MATR3: variants seen among roughly 807,000 people sequenced by gnomAD.
MATR3 encodes the protein matrin 3, also known as matrin-3.
A neutral mutation model predicts 85.5 loss-of-function variants in MATR3; 4 were observed. The observed-to-expected ratio is 0.05, with a 90% CI of 0.02 to 0.11. The LOEUF is 0.11. MATR3 is among the 10% of genes least tolerant of loss of function. The pLI is 1.00. For missense variants in MATR3, 685 were observed against 1,016.1 expected, an observed-to-expected ratio of 0.67 and a Z score of 4.43; for synonymous variants, 336 against 343.1, an observed-to-expected ratio of 0.98 and a Z score of 0.23.
At chr5:139,277,064 G>A (rs943274249) in intron 2 of MATR3, among the ~76,000 whole-genome samples, 11 of 152,054 alleles carry the variant, frequency 7.2e-5, no homozygotes, top group African/African-American at 2.7e-4. Context: ...AGTTCCCTTT[G>A]TAGTAATTTT....
Position 139,331,497 on chromosome 5 carries a change from TAAG to T in MATR3, c.*2103_*2105del, listed in dbSNP as rs762544041. On this transcript the variant is annotated 3_prime_UTR_variant, in exon 15 of 15. Coordinates refer to ENST00000394805, the MANE Select transcript of MATR3 (RefSeq NM_018834.6). ...AGCATTTAGAAATCAGAAATTATAATAAGCTGTTAGTGATAAATCTGTAACAGC... is the reference window on the plus strand; with the variant it reads ...AGCATTTAGAAATCAGAAATTATAATCTGTTAGTGATAAATCTGTAACAGC... 15 of 454,010 alleles carry T rather than the reference TAAG, an allele frequency of 3.3e-5. No individual in the cohort carries two copies. Among genetic ancestry groups the T allele is most frequent in the Non-Finnish European group, 5.7e-5 (13 of 226,800 alleles). The allele number at this position is 454,010 out of a possible 1,614,324, so 28.1% of individuals were successfully genotyped here. A position where few individuals can be genotyped will look rare whatever the true frequency, so the allele number is the denominator to read the frequency against.
intron 14 of MATR3, 25 bp from the exon 15 acceptor site, chr5:139,329,320 T>C: frequency 6.4e-7 from 1 of 1,560,762 alleles, no homozygotes; most frequent in South Asian, 1.1e-5. Context: ...GGTGACTTAA[T>C]GGCTGTAATT....
chr5:139,315,465 A>G, intron 3 of MATR3: 1 of 472,584 alleles, frequency 2.1e-6, no homozygotes, highest in South Asian at 2.9e-5. Flanking sequence ...CTTAATTTCA[A>G]CATTATCTGC....
At chr5:139,284,848 TTATAA>T (rs1442699566) in intron 3 of MATR3, among the ~76,000 whole-genome samples, 1 of 152,212 alleles carries the variant, frequency 6.6e-6, no homozygotes, top group Admixed American at 6.5e-5. Context: ...AAGTGTATAA[TTATAA>T]TATGTTATTA....
intron 2 of MATR3, 24 bp downstream of exon 2, chr5:139,308,351 C>T: frequency 6.2e-7 from 1 of 1,613,576 alleles, no homozygotes; most frequent in Non-Finnish European, 8.5e-7. Context: ...ACAGATGCTT[C>T]TAATTTCTTT....
At position 139,322,591 on chromosome 5, in the gene MATR3, A is replaced by G. The variant is rs754307887; in HGVS notation, c.1779-7A>G. ...AAATTAATTGTGGTGTGTCCTTTTG[A>G]TTTCAGAAAAAGATCTTACTCTCCA... On this transcript the variant is annotated splice_polypyrimidine_tract_variant and splice_region_variant and intron_variant, in intron 11 of 14. Coordinates refer to ENST00000394805, the MANE Select transcript of MATR3 (RefSeq NM_018834.6). 3.8e-6 allele frequency: 6 copies of G among 1,584,110 alleles called. No individual in the cohort carries two copies. The highest frequency in any genetic ancestry group is 1.1e-5 in the South Asian group (1 of 89,552).
upstream of MATR3, among the ~76,000 whole-genome samples, chr5:139,291,305 G>A (rs1012137856): frequency 5.9e-5 from 9 of 152,196 alleles, no homozygotes; most frequent in Middle Eastern, 3.4e-3. Flanking sequence ...TTATTCACTC[G>A]TCTCAAATAC....
chr5:139,329,692 C>T lies in MATR3; in HGVS notation c.*297C>T, dbSNP rs562599302. 5.9e-5 allele frequency: 28 copies of T among 471,950 alleles called. No homozygotes were observed. Among genetic ancestry groups the T allele is most frequent in the Non-Finnish European group, 1.1e-4 (27 of 239,360 alleles). The allele number at this position is 471,950 out of a possible 1,614,324, so 29.2% of individuals were successfully genotyped here. A position where few individuals can be genotyped will look rare whatever the true frequency, so the allele number is the denominator to read the frequency against. On this transcript the variant is annotated 3_prime_UTR_variant, in exon 15 of 15. Coordinates refer to ENST00000394805, the MANE Select transcript of MATR3 (RefSeq NM_018834.6). ...GCACCACTAAGAAAAAAATGTAGAA[C>T]CATTTGGAAAAATGAAATTTAGTAG...
At chr5:139,303,710 T>G (rs547903803) in intron 1 of MATR3, among the ~76,000 whole-genome samples, 1 of 152,244 alleles carries the variant, frequency 6.6e-6, no homozygotes, top group South Asian at 2.1e-4. Flanking sequence ...GTGATGCCAT[T>G]CCACTCCAGC....
At chr5:139,286,961 T>C (rs1753726859) in intron 3 of MATR3, among the ~76,000 whole-genome samples, 1 of 152,224 alleles carries the variant, frequency 6.6e-6, no homozygotes, top group South Asian at 2.1e-4. Flanking sequence ...AGACCTTTTA[T>C]TTTGTTTTAT....
At chr5:139,304,798 G>C (rs935976742) in intron 1 of MATR3, among the ~76,000 whole-genome samples, 8 of 152,172 alleles carry the variant, frequency 5.3e-5, no homozygotes, top group Non-Finnish European at 8.8e-5. Flanking sequence ...AGTAAAAGGA[G>C]CTAATCTTTT....
At chr5:139,314,624 A>G (rs1755154055) in intron 2 of MATR3, 51 bp from the exon 3 acceptor site, 1 of 1,480,944 alleles carries the variant, frequency 6.8e-7, no homozygotes, top group Admixed American at 1.7e-5. Context: ...GGTTCAGATG[A>G]AAATATTTCA....
At chr5:139,296,564 T>A (rs1480480086) in intron 1 of MATR3, among the ~76,000 whole-genome samples, 1 of 152,220 alleles carries the variant, frequency 6.6e-6, no homozygotes, top group Non-Finnish European at 1.5e-5. Context: ...TCTGTATTTT[T>A]AAGCGAAATT....
rs901793744 is a variant in MATR3 at position 139,307,181 on chromosome 5, TA to T, written c.-177-51del. On this transcript the variant is annotated intron_variant, in intron 1 of 14. Transcript: ENST00000394805. This position sits in a 1 kb window ranked among gnomAD's most constrained non-coding sequence, Gnocchi z 4.4. ...ACATGATGCATAAGTTTTTTTTTCT[TA>T]AAAAAACGGCATCTGCTTAAAGGGA... 1.6e-5 allele frequency: 19 copies of T among 1,187,244 alleles called. No individual in the cohort carries two copies. In the East Asian group the frequency reaches 1.9e-4, roughly 12 times the overall value. The allele number at this position is 1,187,244 out of a possible 1,614,324, so 73.5% of individuals were successfully genotyped here.
intron 2 of MATR3, chr5:139,312,257 C>T (rs867801463): frequency 9.2e-5 from 14 of 152,226 alleles, no homozygotes; most frequent in African/African-American, 2.9e-4. Flanking sequence ...GTACCACCAC[C>T]ACATCTGGCG....
chr5:139,284,879 A>G, intron 3 of MATR3, among the ~76,000 whole-genome samples: 1 of 152,208 alleles, frequency 6.6e-6, no homozygotes, highest in Non-Finnish European at 1.5e-5. Flanking sequence ...GGGTTCTATA[A>G]AAAATAAAAT....
intron 12 of MATR3, among the ~76,000 whole-genome samples, chr5:139,323,903 A>G (rs78657518): frequency 1.3e-5 from 2 of 152,176 alleles, no homozygotes; most frequent in Non-Finnish European, 2.9e-5. Context: ...AAAAAAAAAA[A>G]GTAGAGCGAA....
rs895701435 is a variant in MATR3 at position 139,319,208 on chromosome 5, A to G, written c.1435-126A>G. The G allele has an allele frequency of 1.5e-5, 19 of 1,280,472 alleles. No individual in the cohort carries two copies. The African/African-American group carries it at 2.5e-4, about 17-fold the overall frequency. The allele number at this position is 1,280,472 out of a possible 1,614,324, so 79.3% of individuals were successfully genotyped here. A position where few individuals can be genotyped will look rare whatever the true frequency, so the allele number is the denominator to read the frequency against. On this transcript the variant is annotated intron_variant, in intron 8 of 14. Coordinates refer to ENST00000394805, the MANE Select transcript of MATR3 (RefSeq NM_018834.6). ...ATGTGAGGCCCAGGAGTTCCAGGCA[A>G]GCCTGGGCAACATAGCAAGACCTCG...
chr5:139,283,883 C>G (rs1753618235), intron 3 of MATR3, among the ~76,000 whole-genome samples: 5 of 152,238 alleles, frequency 3.3e-5, no homozygotes, highest in Admixed American at 2.6e-4. Context: ...TTTTTCCCTT[C>G]TCATTCCATC....
Sources: allele counts gnomAD v4.1 joint callset (sites outside exome capture counted in the v4.1 genomes callset), GRCh38; gene constraint gnomAD v4.1.1; non-coding constraint Gnocchi (gnomAD v3.1); transcripts MANE v1.5; gene names NCBI Gene and HGNC (gene_info 2026-07-23, HGNC 2026-07-21).